BCAS3: variants seen among roughly 807,000 people sequenced by gnomAD.
BCAS3 encodes the protein BCAS3 microtubule associated cell migration factor.
In BCAS3, 53 loss-of-function variants were observed where a neutral mutation model predicts 116.1. The observed-to-expected ratio is 0.46, with a 90% CI of 0.37 to 0.57. The LOEUF (loss-of-function observed/expected upper bound fraction) is 0.57. BCAS3 is among the 20% of genes least tolerant of loss of function. The pLI, the probability that BCAS3 is intolerant of heterozygous loss-of-function variation, is 0.00. For synonymous variants in BCAS3, 391 were observed against 408.2 expected (o/e 0.96, Z 0.51); for missense variants, 917 against 1,165.4 (o/e 0.79, Z 3.10).
Position 61,368,462 on chromosome 17 carries a change from C to T in BCAS3, c.2561C>T (p.Ser854Leu). The T allele has an allele frequency of 6.2e-7, 1 of 1,610,944 alleles. No homozygotes were observed. Among genetic ancestry groups the T allele is most frequent in the Admixed American group, 1.7e-5 (1 of 59,960 alleles). ...CGACTTGCCGACGCCATGGCCGAGT[C>T]ACCTAGCCGGGACGTCGTGGGATCC... ...RERLADAMAE[S>L]PSRDVVGSGT... Residue 854 changes from serine to leucine, a missense_variant, in exon 23 of 24, where the codon TCA (serine) becomes TTA (leucine). Ser to Leu is a moderately radical substitution (Grantham distance 145). Coordinates refer to ENST00000407086, the MANE Select transcript of BCAS3 (RefSeq NM_017679.5). This position sits in a 1 kb window ranked among gnomAD's most constrained non-coding sequence, Gnocchi z 6.0.
At chr17:61,375,218 TTGTGTGTGTGTGTGTG>T (rs59961930) in intron 23 of BCAS3, among the ~76,000 whole-genome samples, 1 of 142,676 alleles carries the variant, frequency 7.0e-6, no homozygotes, top group Non-Finnish European at 1.5e-5. Flanking sequence ...AAAGCACTAT[TTGTGTGTGTGTGTGTG>T]TGTGTGTGTG....
intron 19 of BCAS3, chr17:61,070,086 C>G: frequency 6.3e-7 from 1 of 1,577,914 alleles, no homozygotes; most frequent in Non-Finnish European, 8.6e-7. Context: ...ACAAGCTTGA[C>G]CACTATGCTA....
intron 6 of BCAS3, among the ~76,000 whole-genome samples, chr17:60,770,522 G>T (rs1267767085): frequency 4.9e-5 from 7 of 142,342 alleles, no homozygotes; most frequent in African/African-American, 1.0e-4. Flanking sequence ...TGGTTGAAAC[G>T]ATTTTCTTGC....
At chr17:61,080,470 C>T (rs1276156747) in intron 21 of BCAS3, among the ~76,000 whole-genome samples, 5 of 151,970 alleles carry the variant, frequency 3.3e-5, no homozygotes, top group South Asian at 2.1e-4. Context: ...TTCAGCCAGG[C>T]GTGGTGGCTC....
chr17:61,050,055 A>C (rs1378385155), intron 19 of BCAS3, among the ~76,000 whole-genome samples: 1 of 151,956 alleles, frequency 6.6e-6, no homozygotes, highest in African/African-American at 2.4e-5. Flanking sequence ...TGAAGTATGG[A>C]AAGAAAATAA....
chr17:60,878,009 T>C, intron 9 of BCAS3, among the ~76,000 whole-genome samples: 1 of 137,296 alleles, frequency 7.3e-6, no homozygotes, highest in East Asian at 2.0e-4. Flanking sequence ...ATGTCTTTTT[T>C]TTTCTTTTTT....
chr17:61,309,718 G>A lies in BCAS3; in HGVS notation c.2426-58609G>A, dbSNP rs2054146849. ...CTGGAGAGATGACCCAGGGTCTTTG[G>A]GATTGCGGAACAGCTGCTGTGGAAA... On this transcript the variant is annotated intron_variant, in intron 22 of 23. Coordinates refer to ENST00000407086, the MANE Select transcript of BCAS3 (RefSeq NM_017679.5). This position sits in a 1 kb window ranked among gnomAD's most constrained non-coding sequence, Gnocchi z 4.6. Among the ~76,000 whole-genome samples, 2 of 152,140 alleles carry A rather than the reference G, an allele frequency of 1.3e-5. No homozygotes were observed. The highest frequency in any genetic ancestry group is 2.1e-4 in the South Asian group (1 of 4,824).
intron 5 of BCAS3, among the ~76,000 whole-genome samples, chr17:60,710,851 C>T (rs1165348483): frequency 1.7e-4 from 26 of 148,746 alleles, no homozygotes; most frequent in Admixed American, 5.4e-4. Flanking sequence ...CACCCAGGCT[C>T]GAGGGCAGTG....
At chr17:60,770,414 T>C (rs1194486986) in intron 6 of BCAS3, among the ~76,000 whole-genome samples, 1 of 78,998 alleles carries the variant, frequency 1.3e-5, no homozygotes, top group Non-Finnish European at 2.2e-5. Flanking sequence ...TTTTTTTTTT[T>C]TTTTTTTTTT....
chr17:60,866,134 T>A (rs2054572357), intron 7 of BCAS3, among the ~76,000 whole-genome samples: 1 of 146,318 alleles, frequency 6.8e-6, no homozygotes, highest in Admixed American at 6.8e-5. Flanking sequence ...ATTTGCTAAT[T>A]TTTTTTTTTT....
chr17:61,195,128 A>T (rs2080398212), intron 22 of BCAS3, among the ~76,000 whole-genome samples: 1 of 152,240 alleles, frequency 6.6e-6, no homozygotes, highest in South Asian at 2.1e-4. Context: ...GTGTCACTTT[A>T]AGCATTAACA....
At chr17:60,954,587 TAGAGAA>T (rs2061024257) in intron 14 of BCAS3, among the ~76,000 whole-genome samples, 1 of 152,180 alleles carries the variant, frequency 6.6e-6, no homozygotes, top group African/African-American at 2.4e-5. Flanking sequence ...GTTCCTTGAT[TAGAGAA>T]AAACTAGAAA....
At chr17:60,882,400 A>G (rs1396766400) in intron 9 of BCAS3, among the ~76,000 whole-genome samples, 1 of 147,524 alleles carries the variant, frequency 6.8e-6, no homozygotes, top group Non-Finnish European at 1.5e-5. Flanking sequence ...TGGCCTGTTC[A>G]CTCTGACGGT....
chr17:61,213,992 G>A lies in BCAS3; in HGVS notation c.2425+129428G>A, dbSNP rs185406253. Among the ~76,000 whole-genome samples the A allele has an allele frequency of 1.5e-4, 23 of 152,214 alleles. No homozygotes were observed. The highest frequency in any genetic ancestry group is 5.5e-4 in the African/African-American group (23 of 41,520). On this transcript the variant is annotated intron_variant, in intron 22 of 23. Coordinates refer to ENST00000407086, the MANE Select transcript of BCAS3 (RefSeq NM_017679.5). This position sits in a 1 kb window ranked among gnomAD's most constrained non-coding sequence, Gnocchi z 5.4. ...TCCCAAAGTGAAAGACAAGAAAAAT[G>A]GGGGCTTCACTGCACAGTAGGCTGG... is the stretch of plus-strand genomic sequence containing the variant.
rs756590265 is a variant in BCAS3, at chr17:61,279,272, A to T, written c.2426-89055A>T. On this transcript the variant is annotated intron_variant, in intron 22 of 23. Transcript: ENST00000407086. This position sits in a 1 kb window ranked among gnomAD's most constrained non-coding sequence, Gnocchi z 4.4. ...TGAATTATATACTTTAAGTGGGTGA[A>T]TTGTATGTTAGGTGAATTATATCTC... Among the ~76,000 whole-genome samples, 5 of 152,036 alleles carry T rather than the reference A, an allele frequency of 3.3e-5. No individual in the cohort carries two copies. Among genetic ancestry groups the T allele is most frequent in the Non-Finnish European group, 5.9e-5 (4 of 67,990 alleles).
Position 61,205,908 on chromosome 17 carries a change from T to TC in BCAS3, c.2425+121344_2425+121345insC, listed in dbSNP as rs1264055275. ...AAACACAACCAAAAAGACAGCCCTT[T>TC]TGCTTAGTTAGGAAGATAATTTATG... is the stretch of plus-strand genomic sequence containing the variant. On this transcript the variant is annotated intron_variant, in intron 22 of 23. Transcript: ENST00000407086. This position sits in a 1 kb window ranked among gnomAD's most constrained non-coding sequence, Gnocchi z 5.2. Among the ~76,000 whole-genome samples, 1 of 151,820 alleles carries TC rather than the reference T, an allele frequency of 6.6e-6. No homozygotes were observed. Among genetic ancestry groups the TC allele is most frequent in the Non-Finnish European group, 1.5e-5 (1 of 67,968 alleles).
At chr17:60,943,700 C>A (rs963244359) in intron 13 of BCAS3, among the ~76,000 whole-genome samples, 5 of 152,010 alleles carry the variant, frequency 3.3e-5, no homozygotes, top group Non-Finnish European at 7.4e-5. Context: ...CAATTACATA[C>A]CTTTCTAGAA....
At position 61,222,574 on chromosome 17, in the gene BCAS3, G is replaced by A. The variant is rs1164496602; in HGVS notation, c.2425+138010G>A. Among the ~76,000 whole-genome samples the A allele has an allele frequency of 3.3e-5, 5 of 152,182 alleles. No individual in the cohort carries two copies. Among genetic ancestry groups the A allele is most frequent in the Admixed American group, 6.5e-5 (1 of 15,274 alleles). On this transcript the variant is annotated intron_variant, in intron 22 of 23. Transcript: ENST00000407086. The surrounding 1 kb of genome is among the most constrained non-coding windows in gnomAD (Gnocchi z 6.1). ...GGTACATTTTTCTGTGAAATCTCAG[G>A]CTCCTGCCTCATGTCTCTGTAGCTT...
chr17:61,057,229 TATA>T (rs1387246954), intron 19 of BCAS3, among the ~76,000 whole-genome samples: 12 of 152,204 alleles, frequency 7.9e-5, no homozygotes, highest in Admixed American at 6.5e-5. Flanking sequence ...CTCCTGACTA[TATA>T]ATAGTTTTTT....
Sources: gnomAD v4.1 joint callset for allele counts (sites outside exome capture counted in the v4.1 genomes callset) on GRCh38, gnomAD v4.1.1 for gene constraint, Gnocchi (gnomAD v3.1) non-coding constraint, MANE v1.5 for transcripts, NCBI Gene and HGNC (gene_info 2026-07-23, HGNC 2026-07-21) for gene names.